MYO10: variants seen among roughly 807,000 people sequenced by gnomAD.
MYO10 encodes unconventional myosin-X.
A neutral mutation model predicts 257.3 loss-of-function variants in MYO10; 133 were observed. The ratio of observed to expected loss-of-function variants is 0.52; its 90% CI spans 0.45 to 0.60. The LOEUF (loss-of-function observed/expected upper bound fraction) is 0.60. MYO10 is among the 20% of genes least tolerant of loss of function. The probability of loss-of-function intolerance (pLI) is 0.00; values close to 1 mark genes in which losing one functional copy is unlikely to be tolerated. For missense variants in MYO10, 2,399 were observed against 2,635.7 expected (o/e 0.91, Z 1.97); for synonymous variants, 1,104 against 1,028.6 (o/e 1.07, Z -1.40).
chr5:16,878,559 A>G, intron 1 of MYO10, among the ~76,000 whole-genome samples: 1 of 152,198 alleles, frequency 6.6e-6, no homozygotes, highest in East Asian at 1.9e-4. Context: ...TGATTTAATC[A>G]CATGAAACTT....
intron 27 of MYO10, among the ~76,000 whole-genome samples, chr5:16,693,092 C>T (rs58336311): frequency 0.024 from 3,688 of 152,122 alleles, 162 homozygotes; most frequent in African/African-American, 0.084. Flanking sequence ...CATGGCGAAA[C>T]CCCGTCTCTA....
chr5:16,771,547 TTTATTA>T (rs201265648), intron 9 of MYO10, among the ~76,000 whole-genome samples: 46,673 of 136,574 alleles, frequency 0.34, 8,259 homozygotes, highest in Middle Eastern at 0.39. Flanking sequence ...ACTATTATGA[TTTATTA>T]TTATTATTAT....
At chr5:16,860,817 C>G (rs760320268) in intron 2 of MYO10, among the ~76,000 whole-genome samples, 5 of 150,968 alleles carry the variant, frequency 3.3e-5, no homozygotes, top group Non-Finnish European at 7.4e-5. Context: ...ACGCAAGCAC[C>G]GAAGACATTC....
intron 9 of MYO10, among the ~76,000 whole-genome samples, chr5:16,772,377 C>T (rs568398350): frequency 6.6e-6 from 1 of 152,346 alleles, no homozygotes; most frequent in Admixed American, 6.5e-5. Flanking sequence ...AGGTGATCCA[C>T]CCGCCTTGGC....
At chr5:16,871,693 T>C (rs1313414811) in intron 2 of MYO10, among the ~76,000 whole-genome samples, 1 of 152,152 alleles carries the variant, frequency 6.6e-6, no homozygotes, top group Non-Finnish European at 1.5e-5. Flanking sequence ...CTCCTAATGC[T>C]TGGCGACGAT....
intron 3 of MYO10, among the ~76,000 whole-genome samples, chr5:16,808,816 C>T (rs1400050114): frequency 6.6e-6 from 1 of 152,090 alleles, no homozygotes; most frequent in Non-Finnish European, 1.5e-5. Context: ...GGACTACAGG[C>T]ACCCGCCACC....
At chr5:16,897,302 TAA>T (rs3060810) in intron 1 of MYO10, among the ~76,000 whole-genome samples, 15 of 129,078 alleles carry the variant, frequency 1.2e-4, no homozygotes, top group Middle Eastern at 4.0e-3. Context: ...TTACACTTCG[TAA>T]AAAAAAAAAA....
At chr5:16,770,445 TA>T (rs1263333363) in intron 9 of MYO10, among the ~76,000 whole-genome samples, 1 of 152,176 alleles carries the variant, frequency 6.6e-6, no homozygotes, top group Non-Finnish European at 1.5e-5. Flanking sequence ...AGGAATCTGT[TA>T]CCAACAGTAT....
chr5:16,882,549 A>G (rs778193333), intron 1 of MYO10, among the ~76,000 whole-genome samples: 17 of 152,168 alleles, frequency 1.1e-4, no homozygotes, highest in Admixed American at 5.2e-4. Context: ...AATCCATACA[A>G]TGAGACTCCT....
At chr5:16,886,179 G>A (rs933712876) in intron 1 of MYO10, among the ~76,000 whole-genome samples, 3 of 152,174 alleles carry the variant, frequency 2.0e-5, no homozygotes, top group Non-Finnish European at 2.9e-5. Flanking sequence ...CAAAGGATGC[G>A]GAGCTGAAGG....
At chr5:16,723,208 C>G (rs1448192048) in intron 19 of MYO10, among the ~76,000 whole-genome samples, 2 of 151,692 alleles carry the variant, frequency 1.3e-5, no homozygotes, top group Non-Finnish European at 2.9e-5. Context: ...CACAGTGAAA[C>G]CCCGTCTCTA....
chr5:16,815,728 C>T (rs962502402), intron 3 of MYO10, among the ~76,000 whole-genome samples: 2 of 152,066 alleles, frequency 1.3e-5, no homozygotes, highest in Non-Finnish European at 2.9e-5. Context: ...CATGTGGATA[C>T]CTATGCAGTG....
At chr5:16,699,799 A>AAAAG (rs1737954348) in intron 25 of MYO10, among the ~76,000 whole-genome samples, 1 of 147,504 alleles carries the variant, frequency 6.8e-6, no homozygotes, top group African/African-American at 2.7e-5. Context: ...AAAAAAAAAA[A>AAAAG]AAAAAAAAGG....
In MYO10 at chr5:16,764,124, G is replaced by A. The variant is rs538931680; in HGVS notation, c.1326+126C>T. On this transcript the variant is annotated intron_variant, in intron 12 of 40. Coordinates refer to ENST00000513610, the MANE Select transcript of MYO10 (RefSeq NM_012334.3). ...ATCACGCCACTGCACTCCAGCCTGG[G>A]ATACAGAGTGAGACTCCTTCTCAAA... 4.6e-6 allele frequency: 5 copies of A among 1,097,474 alleles called. No individual in the cohort carries two copies. In the South Asian group the frequency reaches 7.8e-5, roughly 17 times the overall value. The allele number at this position is 1,097,474 out of a possible 1,614,324, so 68.0% of individuals were successfully genotyped here. A position where few individuals can be genotyped will look rare whatever the true frequency, so the allele number is the denominator to read the frequency against.
At chr5:16,682,089 A>G (rs1737035900) in intron 30 of MYO10, 76 bp from the exon 31 acceptor site, 1 of 1,521,924 alleles carries the variant, frequency 6.6e-7, no homozygotes, top group Non-Finnish European at 8.9e-7. Context: ...ACCGAGACTC[A>G]GTGCCTTCTT....
chr5:16,822,663 A>T (rs867529075), intron 2 of MYO10, among the ~76,000 whole-genome samples: 47 of 147,430 alleles, frequency 3.2e-4, no homozygotes, highest in Admixed American at 3.4e-4. Flanking sequence ...ATTTGGAAAT[A>T]TTTTTTTTTC....
At chr5:16,897,008 A>C (rs1297203908) in intron 1 of MYO10, among the ~76,000 whole-genome samples, 1 of 152,144 alleles carries the variant, frequency 6.6e-6, no homozygotes, top group Non-Finnish European at 1.5e-5. Context: ...AGAAGGAAGA[A>C]GGCAGGCAGG....
intron 9 of MYO10, among the ~76,000 whole-genome samples, chr5:16,770,173 G>A (rs952059440): frequency 5.3e-5 from 8 of 152,098 alleles, no homozygotes; most frequent in East Asian, 3.9e-4. Context: ...TCAAGGTTAC[G>A]GTGAGCTATG....
chr5:16,792,140 G>GAGAA (rs1741782206), intron 4 of MYO10, among the ~76,000 whole-genome samples: 4 of 94,734 alleles, frequency 4.2e-5, no homozygotes, highest in Admixed American at 2.3e-4. Flanking sequence ...CACAGAGAGA[G>GAGAA]AGAGAGAGAG....
Sources: allele counts gnomAD v4.1 joint callset (sites outside exome capture counted in the v4.1 genomes callset), GRCh38; gene constraint gnomAD v4.1.1; transcripts MANE v1.5; gene names NCBI Gene and HGNC (gene_info 2026-07-23, HGNC 2026-07-21).